OCLN: variants seen among roughly 807,000 people sequenced by gnomAD.
The protein encoded by OCLN is occludin, also known as phosphatase 1, regulatory subunit 115.
In OCLN, 21 loss-of-function variants were observed where a neutral mutation model predicts 47.9. The ratio of observed to expected loss-of-function variants is 0.44; its 90% CI spans 0.31 to 0.63. The LOEUF (loss-of-function observed/expected upper bound fraction) is 0.63, where lower values mean the gene tolerates loss of function less well. Among genes scored for constraint, OCLN ranks in the 30% least tolerant of loss-of-function variants. OCLN has a pLI of 0.08. For synonymous variants in OCLN, 117 were observed against 198.4 expected, an observed-to-expected ratio of 0.59 and a Z score of 3.45; for missense variants, 360 against 571.0, an observed-to-expected ratio of 0.63 and a Z score of 3.77.
intron 2 of OCLN, among the ~76,000 whole-genome samples, chr5:69,506,532 C>T (rs1470165043): frequency 6.6e-6 from 1 of 152,138 alleles, no homozygotes; most frequent in East Asian, 1.9e-4. Context: ...AGCTTCAGCC[C>T]CTCTTTCCTG....
At chr5:69,512,036 A>AAAAAAAAAAAG in intron 3 of OCLN, among the ~76,000 whole-genome samples, 1 of 147,642 alleles carries the variant, frequency 6.8e-6, no homozygotes, top group Non-Finnish European at 1.5e-5. Context: ...AAAAAAAAAA[A>AAAAAAAAAAAG]AAAAAAAAAT....
At chr5:69,549,972 A>G (rs1301170340) in intron 7 of OCLN, among the ~76,000 whole-genome samples, 2 of 150,100 alleles carry the variant, frequency 1.3e-5, no homozygotes, top group Non-Finnish European at 3.0e-5. Flanking sequence ...GCTTTTCTTA[A>G]CAGCAAGTTT....
At chr5:69,508,464 C>T (rs1768671016) in intron 2 of OCLN, among the ~76,000 whole-genome samples, 1 of 152,132 alleles carries the variant, frequency 6.6e-6, no homozygotes, top group African/African-American at 2.4e-5. Flanking sequence ...CCTCAGCCTC[C>T]TGAGTAGCTG....
intron 1 of OCLN, among the ~76,000 whole-genome samples, chr5:69,503,118 C>T (rs1168931760): frequency 1.3e-5 from 2 of 152,150 alleles, no homozygotes; most frequent in African/African-American, 2.4e-5. Context: ...GCACCCAGCA[C>T]GTCGGTAGGT....
intron 3 of OCLN, among the ~76,000 whole-genome samples, chr5:69,511,554 G>T (rs1768787751): frequency 6.6e-6 from 1 of 152,046 alleles, no homozygotes; most frequent in Non-Finnish European, 1.5e-5. Context: ...TAGGACCACA[G>T]GGGCATGCCA....
intron 1 of OCLN, among the ~76,000 whole-genome samples, chr5:69,500,419 A>G (rs1580544091): frequency 9.7e-6 from 1 of 103,344 alleles, no homozygotes; most frequent in African/African-American, 3.6e-5. Flanking sequence ...TTTTTTTTTG[A>G]GACGGAGTTT....
chr5:69,504,513 A>G lies in OCLN; in HGVS notation c.50+219A>G, dbSNP rs559346398. ...GGACAACTGCTGTCACCTATTCCTA[A>G]TGTTTGTTTCAAGAGATTGCCAAGG... On this transcript the variant is annotated intron_variant, in intron 2 of 8. Transcript: ENST00000396442. 3.9e-5 allele frequency among the ~76,000 whole-genome samples: 6 copies of G among 152,246 alleles called. No individual in the cohort carries two copies. In the East Asian group the frequency reaches 1.2e-3, roughly 29 times the overall value.
Position 69,553,767 on chromosome 5 carries a change from A to T in OCLN, c.*96A>T, listed in dbSNP as rs1769898495. 6.3e-7 allele frequency: 1 copy of T among 1,584,078 alleles called. No individual in the cohort carries two copies. The highest frequency in any genetic ancestry group is 1.4e-5 in the African/African-American group (1 of 74,038). Reference sequence around the variant, plus strand: ...CTTTGGACCATAACCCCGGAAGCCAAACCTCTGTGAGCATCACAAAGTTTT... The same window carrying T: ...CTTTGGACCATAACCCCGGAAGCCATACCTCTGTGAGCATCACAAAGTTTT... On this transcript the variant is annotated 3_prime_UTR_variant, in exon 9 of 9. Transcript: ENST00000396442.
Position 69,545,116 on chromosome 5 carries a change from T to G in OCLN, c.1250T>G (p.Ile417Ser), listed in dbSNP as rs764755867. 2 of 1,613,576 alleles carry G rather than the reference T, an allele frequency of 1.2e-6. No individual in the cohort carries two copies. Among genetic ancestry groups the G allele is most frequent in the Non-Finnish European group, 1.7e-6 (2 of 1,179,760 alleles). The part of the protein sequence containing the change: ...ESCDELEEDW[I>S]REYPPITSDQ... ...TGTGATGAGCTGGAGGAGGACTGGA[T>G]CAGGTACCGACTCAGCTCTCCTTTC... The change falls in exon 6 of 9, where the codon ATC becomes AGC. Residue 417 changes from isoleucine to serine, a missense_variant. Physicochemically the swap from Ile to Ser is moderately radical, Grantham distance 142. Transcript: ENST00000396442.
intron 1 of OCLN, among the ~76,000 whole-genome samples, chr5:69,496,387 C>T (rs1420191482): frequency 6.6e-6 from 1 of 152,006 alleles, no homozygotes; most frequent in Non-Finnish European, 1.5e-5. Context: ...CGTGAGCCAC[C>T]GCGCCCGGCC....
At chr5:69,500,113 A>G (rs183109659) in intron 1 of OCLN, among the ~76,000 whole-genome samples, 2 of 152,290 alleles carry the variant, frequency 1.3e-5, no homozygotes, top group Admixed American at 1.3e-4. Flanking sequence ...GTCAGCTGCA[A>G]ATCTGGATAA....
intron 4 of OCLN, among the ~76,000 whole-genome samples, chr5:69,521,036 TG>T (rs1383421023): frequency 3.3e-5 from 5 of 151,946 alleles, no homozygotes; most frequent in Non-Finnish European, 7.4e-5. Flanking sequence ...TTAGTAGAGA[TG>T]GGGTTTCACC....
At chr5:69,516,701 G>GA (rs1768981776) in intron 4 of OCLN, among the ~76,000 whole-genome samples, 1 of 152,156 alleles carries the variant, frequency 6.6e-6, no homozygotes, top group Admixed American at 6.5e-5. Context: ...GTGATTTGCT[G>GA]AAAGCCTGGA....
chr5:69,496,438 T>A (rs1768294821), intron 1 of OCLN, among the ~76,000 whole-genome samples: 2 of 152,192 alleles, frequency 1.3e-5, no homozygotes, highest in Admixed American at 1.3e-4. Flanking sequence ...AGTTACTGCA[T>A]GTGCTCTAAA....
chr5:69,510,388 A>C (rs1405250894), intron 3 of OCLN, among the ~76,000 whole-genome samples: 2 of 152,208 alleles, frequency 1.3e-5, no homozygotes, highest in Non-Finnish European at 2.9e-5. Context: ...TTGGCTATTA[A>C]GAATCATGCT....
chr5:69,532,469 A>G (rs28529133), intron 4 of OCLN, among the ~76,000 whole-genome samples: 30,310 of 152,180 alleles, frequency 0.2, 4,237 homozygotes, highest in African/African-American at 0.4. Context: ...TCACAGAAAT[A>G]TCTGTAGATT....
intron 4 of OCLN, among the ~76,000 whole-genome samples, chr5:69,522,888 G>A (rs980343962): frequency 1.6e-4 from 3 of 19,306 alleles, no homozygotes; most frequent in Middle Eastern, 0.025. Flanking sequence ...CGCTATGCCT[G>A]GCTGACTTTT....
intron 1 of OCLN, among the ~76,000 whole-genome samples, chr5:69,498,000 C>T (rs1236794229): frequency 1.3e-5 from 2 of 151,192 alleles, no homozygotes; most frequent in Admixed American, 6.6e-5. Flanking sequence ...GGCGTAGTGG[C>T]GGGCGCCTGT....
intron 4 of OCLN, among the ~76,000 whole-genome samples, chr5:69,533,036 C>A: frequency 7.2e-6 from 1 of 139,396 alleles, no homozygotes; most frequent in African/African-American, 3.0e-5. Context: ...TACACACACA[C>A]ATGTATATAT....
Sources: gnomAD v4.1 joint callset for allele counts (sites outside exome capture counted in the v4.1 genomes callset) on GRCh38, gnomAD v4.1.1 for gene constraint, MANE v1.5 for transcripts, NCBI Gene and HGNC (gene_info 2026-07-23, HGNC 2026-07-21) for gene names.